LEPROTL1: variants seen among roughly 807,000 people sequenced by gnomAD.
The protein encoded by LEPROTL1 is leptin receptor overlapping transcript like 1.
LEPROTL1 carries 6 observed loss-of-function variants against 15.4 expected under a neutral mutation model. The ratio of observed to expected loss-of-function variants is 0.39; its 90% CI spans 0.21 to 0.77. The LOEUF is 0.77. Among genes scored for constraint, LEPROTL1 ranks in the 30% least tolerant of loss-of-function variants. The pLI is 0.41. For synonymous variants in LEPROTL1, 56 were observed against 52.6 expected, an observed-to-expected ratio of 1.06 and a Z score of -0.28; for missense variants, 128 against 158.1, an observed-to-expected ratio of 0.81 and a Z score of 1.02.
At chr8:30,130,781 A>ATTTT (rs11411595) in intron 3 of LEPROTL1, among the ~76,000 whole-genome samples, 3 of 133,998 alleles carry the variant, frequency 2.2e-5, no homozygotes, top group Non-Finnish European at 4.7e-5. Context: ...TCAAAAAAAA[A>ATTTT]TTTTTTTTTT....
intron 4 of LEPROTL1, chr8:30,132,937 A>G: frequency 6.8e-7 from 1 of 1,480,802 alleles, no homozygotes; most frequent in South Asian, 1.4e-5. Flanking sequence ...GAACATAAAA[A>G]CACTCTGTAT....
At chr8:30,115,962 G>C (rs1376636592) in intron 3 of LEPROTL1, among the ~76,000 whole-genome samples, 1 of 152,052 alleles carries the variant, frequency 6.6e-6, no homozygotes, top group Non-Finnish European at 1.5e-5. Context: ...AATATTAAAA[G>C]CCTTCTGTAA....
At chr8:30,116,783 G>A (rs958117338) in intron 3 of LEPROTL1, among the ~76,000 whole-genome samples, 1 of 152,228 alleles carries the variant, frequency 6.6e-6, no homozygotes, top group Admixed American at 6.5e-5. Context: ...AACCCAAGAA[G>A]GGGGTTGGAA....
At chr8:30,113,911 G>T (rs1372290298) in intron 3 of LEPROTL1, among the ~76,000 whole-genome samples, 6 of 152,176 alleles carry the variant, frequency 3.9e-5, no homozygotes, top group Admixed American at 6.5e-5. Flanking sequence ...CGTTTTTACA[G>T]TTTTAAGTAT....
intron 3 of LEPROTL1, among the ~76,000 whole-genome samples, chr8:30,118,875 C>G (rs1309956762): frequency 6.6e-6 from 1 of 152,116 alleles, no homozygotes; most frequent in Non-Finnish European, 1.5e-5. Context: ...TTCTCTCCAC[C>G]CAAACATCTC....
chr8:30,101,119 A>C (rs935946539), intron 1 of LEPROTL1, among the ~76,000 whole-genome samples: 4 of 152,198 alleles, frequency 2.6e-5, no homozygotes, highest in Non-Finnish European at 5.9e-5. Context: ...AGTTTTATGC[A>C]CATTGAGAGT....
intron 3 of LEPROTL1, among the ~76,000 whole-genome samples, chr8:30,127,361 T>G (rs1037235811): frequency 6.6e-6 from 1 of 152,106 alleles, no homozygotes; most frequent in Non-Finnish European, 1.5e-5. Context: ...TCAGAGTGAT[T>G]CGGCTGATGA....
chr8:30,114,882 C>T (rs903083684), intron 3 of LEPROTL1, among the ~76,000 whole-genome samples: 2 of 152,116 alleles, frequency 1.3e-5, no homozygotes, highest in African/African-American at 2.4e-5. Flanking sequence ...TTAGATCTGC[C>T]TGGGGGTCAC....
chr8:30,106,553 G>T lies in LEPROTL1; in HGVS notation c.*691G>T. 1.0e-6 allele frequency: 1 copy of T among 984,594 alleles called. No individual in the cohort carries two copies. The highest frequency in any genetic ancestry group is 1.2e-6 in the Non-Finnish European group (1 of 829,100). The allele number at this position is 984,594 out of a possible 1,614,324, so 61.0% of individuals were successfully genotyped here. ...GTGCTTTTCTTCTCAATTGTTAGAAGAATTTATGTTAAACTTTAAGGTAAG... is the reference window on the plus strand; with the variant it reads ...GTGCTTTTCTTCTCAATTGTTAGAATAATTTATGTTAAACTTTAAGGTAAG... On this transcript the variant is annotated 3_prime_UTR_variant, in exon 4 of 4. Coordinates refer to ENST00000321250, the MANE Select transcript of LEPROTL1 (RefSeq NM_015344.3).
downstream of LEPROTL1, among the ~76,000 whole-genome samples, chr8:30,109,288 T>C (rs190041027): frequency 2.9e-3 from 440 of 152,360 alleles, 2 homozygotes; most frequent in African/African-American, 0.01. Flanking sequence ...TTCTTCTCTA[T>C]AAGCTTGTAT....
chr8:30,117,365 T>C, intron 3 of LEPROTL1: 1 of 1,092,072 alleles, frequency 9.2e-7, no homozygotes, highest in Non-Finnish European at 1.4e-6. Context: ...TGTTTGTAAA[T>C]ATATGCTGCA....
chr8:30,136,335 C>T (rs528235279), intron 4 of LEPROTL1, among the ~76,000 whole-genome samples: 9 of 152,316 alleles, frequency 5.9e-5, no homozygotes, highest in South Asian at 2.1e-4. Context: ...GTGACCATCA[C>T]GCGGACATAC....
chr8:30,120,955 G>T (rs944671400), intron 3 of LEPROTL1, among the ~76,000 whole-genome samples: 2 of 152,028 alleles, frequency 1.3e-5, no homozygotes, highest in Non-Finnish European at 2.9e-5. Flanking sequence ...TTTTCATCTC[G>T]CATGACAAAC....
intron 1 of LEPROTL1, among the ~76,000 whole-genome samples, chr8:30,099,794 T>G (rs1257164466): frequency 2.3e-5 from 2 of 86,674 alleles, no homozygotes; most frequent in Admixed American, 3.2e-4. Flanking sequence ...TGAAAAAATG[T>G]CTGAGGCAGA....
In LEPROTL1 at chr8:30,129,561, T is replaced by C. The variant is rs139221343; in HGVS notation, c.280-2814T>C. On this transcript the variant is annotated intron_variant, in intron 3 of 4. Transcript: ENST00000442880. ...CTCTGCTAAAAATACAAAAATTAGC[T>C]GGGTGTGGTGGCATGTGCCCGTAGT... is the stretch of plus-strand genomic sequence containing the variant. Among the ~76,000 whole-genome samples the C allele has an allele frequency of 3.4e-3, 517 of 152,034 alleles. 3 individuals carry two copies. The highest frequency in any genetic ancestry group is 0.012 in the African/African-American group (488 of 41,470).
chr8:30,137,550 C>T, exon 5 of LEPROTL1: 2 of 1,313,306 alleles, frequency 1.5e-6, no homozygotes, highest in Non-Finnish European at 1.1e-6. Context: ...CAACACGTGG[C>T]AGTGATGATT....
intron 3 of LEPROTL1, among the ~76,000 whole-genome samples, chr8:30,129,362 G>A (rs909799116): frequency 4.6e-5 from 7 of 152,058 alleles, no homozygotes; most frequent in African/African-American, 7.2e-5. Flanking sequence ...TTATCTTTGC[G>A]AAGTTTTAAC....
intron 3 of LEPROTL1, among the ~76,000 whole-genome samples, chr8:30,129,580 C>A (rs1802961209): frequency 6.6e-6 from 1 of 151,948 alleles, no homozygotes; most frequent in Non-Finnish European, 1.5e-5. Context: ...TGGCATGTGC[C>A]CGTAGTCCCA....
chr8:30,132,594 G>A lies in LEPROTL1; in HGVS notation c.394+105G>A, dbSNP rs192400927. On this transcript the variant is annotated intron_variant, in intron 4 of 4. Transcript: ENST00000442880. Reference sequence around the variant, plus strand: ...CATCCACCACCCTGCTCACTGCCACGTTTAGGCATTCTAGTCCAAGAATCT... The same window carrying A: ...CATCCACCACCCTGCTCACTGCCACATTTAGGCATTCTAGTCCAAGAATCT... 30 of 1,551,736 alleles carry A rather than the reference G, an allele frequency of 1.9e-5. No individual in the cohort carries two copies. The highest frequency in any genetic ancestry group is 3.3e-4 in the Middle Eastern group (2 of 5,992).
Sources: gnomAD v4.1 joint callset for allele counts (sites outside exome capture counted in the v4.1 genomes callset) on GRCh38, gnomAD v4.1.1 for gene constraint, MANE v1.5 for transcripts, NCBI Gene and HGNC (gene_info 2026-07-23, HGNC 2026-07-21) for gene names.